Variants in NRXN2 observed in about 807,000 individuals in gnomAD.
NRXN2 encodes the protein neurexin 2, also known as neurexin-2-beta.
A neutral mutation model predicts 128.8 loss-of-function variants in NRXN2; 29 were observed. The observed-to-expected ratio is 0.23, with a 90% CI of 0.17 to 0.31. NRXN2 has a LOEUF of 0.31. Among genes scored for constraint, NRXN2 ranks in the 10% least tolerant of loss-of-function variants. The pLI is 1.00. For synonymous variants in NRXN2, 1,098 were observed against 1,075.2 expected (o/e 1.02, Z -0.41); for missense variants, 1,881 against 2,452.6 (o/e 0.77, Z 4.92).
chr11:64,705,458 C>A (rs1486364392), intron 2 of NRXN2, among the ~76,000 whole-genome samples: 1 of 151,864 alleles, frequency 6.6e-6, no homozygotes, highest in Non-Finnish European at 1.5e-5. Context: ...CTCCCCCGAC[C>A]TTGTGATCCA....
At chr11:64,687,573 G>C (rs535950805) in intron 5 of NRXN2, among the ~76,000 whole-genome samples, 3 of 152,322 alleles carry the variant, frequency 2.0e-5, no homozygotes, top group South Asian at 4.1e-4. Context: ...TCTACTTATG[G>C]TACCAGCGGG....
chr11:64,672,179 G>T (rs1311308682), intron 7 of NRXN2, among the ~76,000 whole-genome samples: 2 of 152,204 alleles, frequency 1.3e-5, no homozygotes, highest in Non-Finnish European at 2.9e-5. Context: ...AGAGAGGCTG[G>T]CTGGAGGTGG....
At chr11:64,655,685 T>C (rs1463390740) in intron 11 of NRXN2, among the ~76,000 whole-genome samples, 1 of 151,994 alleles carries the variant, frequency 6.6e-6, no homozygotes, top group African/African-American at 2.4e-5. Flanking sequence ...AGAAGAGGTG[T>C]CAGCTCCAGG....
intron 5 of NRXN2, among the ~76,000 whole-genome samples, chr11:64,687,438 G>A (rs1232164655): frequency 6.6e-6 from 1 of 152,222 alleles, no homozygotes; most frequent in African/African-American, 2.4e-5. Flanking sequence ...CAAGGCACCA[G>A]CTGCTGCCCC....
chr11:64,665,254 C>T (rs540958256), intron 9 of NRXN2, among the ~76,000 whole-genome samples: 1 of 151,422 alleles, frequency 6.6e-6, no homozygotes, highest in South Asian at 2.1e-4. Context: ...GCACTCCAGC[C>T]TGGCGACAGA....
intron 17 of NRXN2, among the ~76,000 whole-genome samples, chr11:64,646,029 G>A (rs2046603008): frequency 6.6e-6 from 1 of 152,160 alleles, no homozygotes; most frequent in African/African-American, 2.4e-5. Context: ...AGACAAGCTA[G>A]GAAGGAGGAG....
intron 5 of NRXN2, among the ~76,000 whole-genome samples, chr11:64,686,587 CG>C (rs1420614093): frequency 6.6e-6 from 1 of 152,164 alleles, no homozygotes; most frequent in Non-Finnish European, 1.5e-5. Flanking sequence ...GGATATGCAC[CG>C]GATAGCAACA....
intron 1 of NRXN2, among the ~76,000 whole-genome samples, chr11:64,715,928 C>T (rs920828142): frequency 1.3e-5 from 2 of 151,292 alleles, no homozygotes; most frequent in Admixed American, 6.6e-5. Flanking sequence ...GACGCCCTCA[C>T]CCCCCCACAC....
At chr11:64,688,779 T>C in intron 5 of NRXN2, 1 of 985,356 alleles carries the variant, frequency 1.0e-6, no homozygotes, top group Non-Finnish European at 1.2e-6. Context: ...GTCCTGCATT[T>C]CTGAGAACCA....
intron 2 of NRXN2, among the ~76,000 whole-genome samples, chr11:64,698,478 C>T (rs2054852142): frequency 6.6e-6 from 1 of 152,206 alleles, no homozygotes; most frequent in African/African-American, 2.4e-5. Context: ...GTCCCTACTG[C>T]CTCTTCTGCA....
chr11:64,606,864 C>A lies in NRXN2; in HGVS notation c.*332G>T. ...ACGAGCAGTGGACACTTTACAAAACCCCCAGCCTTCCTTCCCACCCAACCC... is the reference window on the plus strand; with the variant it reads ...ACGAGCAGTGGACACTTTACAAAACACCCAGCCTTCCTTCCCACCCAACCC... On this transcript the variant is annotated 3_prime_UTR_variant, in exon 23 of 23. Coordinates refer to ENST00000265459, the MANE Select transcript of NRXN2 (RefSeq NM_015080.4). The A allele has an allele frequency of 3.1e-6, 1 of 318,082 alleles. No individual in the cohort carries two copies. Among genetic ancestry groups the A allele is most frequent in the Non-Finnish European group, 5.9e-6 (1 of 169,980 alleles). The allele number at this position is 318,082 out of a possible 1,614,324, so 19.7% of individuals were successfully genotyped here. A position where few individuals can be genotyped will look rare whatever the true frequency, so the allele number is the denominator to read the frequency against.
chr11:64,608,152 G>C (rs2040007808), intron 22 of NRXN2, 70 bp from the exon 23 acceptor site: 14 of 1,202,244 alleles, frequency 1.2e-5, no homozygotes, highest in Non-Finnish European at 1.6e-5. Flanking sequence ...CCGGCACAGA[G>C]AGAGAAACAA....
chr11:64,624,283 G>C (rs2042787160), intron 20 of NRXN2, among the ~76,000 whole-genome samples: 1 of 152,146 alleles, frequency 6.6e-6, no homozygotes, highest in African/African-American at 2.4e-5. Flanking sequence ...AGGTTCTCTG[G>C]GACACCCAGG....
At chr11:64,629,925 AC>A (rs2043624593) in intron 19 of NRXN2, among the ~76,000 whole-genome samples, 1 of 151,344 alleles carries the variant, frequency 6.6e-6, no homozygotes, top group Non-Finnish European at 1.5e-5. Flanking sequence ...CTTTATAAGG[AC>A]CTCGGTTCTT....
intron 5 of NRXN2, among the ~76,000 whole-genome samples, chr11:64,689,319 C>T (rs1280629208): frequency 2.6e-5 from 4 of 151,782 alleles, no homozygotes; most frequent in Non-Finnish European, 5.9e-5. Flanking sequence ...ATCCTCCCAC[C>T]TCGGCCTCTC....
intron 11 of NRXN2, among the ~76,000 whole-genome samples, chr11:64,658,273 A>G (rs1007080355): frequency 6.6e-6 from 1 of 152,188 alleles, no homozygotes; most frequent in Admixed American, 6.6e-5. Context: ...GTAGGGGGGA[A>G]CTCACACTGG....
chr11:64,701,842 G>A (rs573620110), intron 2 of NRXN2, among the ~76,000 whole-genome samples: 38 of 149,368 alleles, frequency 2.5e-4, no homozygotes, highest in Non-Finnish European at 4.2e-4. Context: ...CTGCCCGGCC[G>A]CCCCTACTGG....
rs797045802 is a variant in NRXN2 at position 64,713,651 on chromosome 11, G to A, written c.49C>T (p.Leu17=). ...WRPTPPPLLL[L]LLLALAARAD... is the part of the protein sequence containing the mutation. ...CGCGCCGCCAGCGCCAGCAGCAGCA[G>A]CAACAGCAGCGGCGGCGGTGTCGGC... is the stretch of plus-strand genomic sequence containing the variant. Residue 17 remains leucine (L), a synonymous_variant, in exon 2 of 23, where the codon CTG becomes TTG. Coordinates refer to ENST00000265459, the MANE Select transcript of NRXN2 (RefSeq NM_015080.4). 11 of 1,222,518 alleles carry A rather than the reference G, an allele frequency of 9.0e-6. No homozygotes were observed. The highest frequency in any genetic ancestry group is 3.0e-5 in the South Asian group (1 of 33,246). 75.7% of individuals were successfully genotyped at this position (1,222,518 alleles called of 1,614,324 possible).
At chr11:64,626,591 G>GCGAA in intron 19 of NRXN2, 39 bp from the exon 20 acceptor site, 1 of 1,495,216 alleles carries the variant, frequency 6.7e-7, no homozygotes, top group Non-Finnish European at 9.3e-7. Flanking sequence ...TTCTCAGGCA[G>GCGAA]CGAAGTCCAA....
Sources: allele counts gnomAD v4.1 joint callset (sites outside exome capture counted in the v4.1 genomes callset), GRCh38; gene constraint gnomAD v4.1.1; transcripts MANE v1.5; gene names NCBI Gene and HGNC (gene_info 2026-07-23, HGNC 2026-07-21).